RAI14: variants seen among roughly 807,000 people sequenced by gnomAD.
RAI14 encodes retinoic acid induced 14.
A neutral mutation model predicts 115.4 loss-of-function variants in RAI14; 45 were observed. The ratio of observed to expected loss-of-function variants is 0.39; its 90% CI spans 0.31 to 0.50. The LOEUF is 0.50. Ranked by LOEUF, RAI14 falls within the 20% of genes least tolerant of loss-of-function variation. The pLI is 0.85. For missense variants in RAI14, 939 were observed against 1,131.2 expected (o/e 0.83, Z 2.44); for synonymous variants, 371 against 415.4 (o/e 0.89, Z 1.30).
At chr5:34,684,041 T>G (rs1744604223) in intron 1 of RAI14, among the ~76,000 whole-genome samples, 1 of 152,220 alleles carries the variant, frequency 6.6e-6, no homozygotes, top group African/African-American at 2.4e-5. Context: ...ATTTCCACTT[T>G]CTAGCAACAG....
rs1013540198 is a variant in RAI14 at position 34,656,454 on chromosome 5, G to GCGC, written c.-59_-57dup. ...TGGAGCAGCCAGCTGGGTCCGGGGA[G>GCGC]CGCCGCCGCCGCCTCGATGGGGTGA... is the stretch of plus-strand genomic sequence containing the variant. On this transcript the variant is annotated 5_prime_UTR_variant, in exon 1 of 18. Coordinates refer to ENST00000265109, the MANE Select transcript of RAI14 (RefSeq NM_015577.3). The GCGC allele has an allele frequency of 2.6e-5, 4 of 152,232 alleles. No individual in the cohort carries two copies. Among genetic ancestry groups the GCGC allele is most frequent in the Non-Finnish European group, 4.4e-5 (3 of 68,100 alleles). 9.4% of individuals were successfully genotyped at this position (152,232 alleles called of 1,614,324 possible). A position where few individuals can be genotyped will look rare whatever the true frequency, so the allele number is the denominator to read the frequency against.
chr5:34,686,025 G>C (rs959527324), intron 1 of RAI14, among the ~76,000 whole-genome samples: 12 of 152,100 alleles, frequency 7.9e-5, no homozygotes, highest in Admixed American at 2.6e-4. Context: ...TTCACTAACT[G>C]CCCTGTGCAT....
chr5:34,829,103 G>A (rs193154204), intron 16 of RAI14, among the ~76,000 whole-genome samples: 4 of 151,632 alleles, frequency 2.6e-5, no homozygotes, highest in Admixed American at 2.6e-4. Flanking sequence ...ATTTGCATAA[G>A]TATATGTACA....
chr5:34,795,687 G>A lies in RAI14; in HGVS notation c.168-252G>A, dbSNP rs184377346. Among the ~76,000 whole-genome samples the A allele has an allele frequency of 5.9e-5, 9 of 152,228 alleles. No individual in the cohort carries two copies. In the East Asian group the frequency reaches 9.6e-4, roughly 16 times the overall value. On this transcript the variant is annotated intron_variant, in intron 3 of 17. Transcript: ENST00000265109. ...CTTACTTTTTTCAAGCCTGGTCTTT[G>A]GGGTTGGAAGATCAAACTCCTGCTC...
chr5:34,777,452 A>G (rs1203106607), intron 3 of RAI14, among the ~76,000 whole-genome samples: 2 of 152,198 alleles, frequency 1.3e-5, no homozygotes, highest in African/African-American at 2.4e-5. Flanking sequence ...TCTCACTAAC[A>G]TGTGGGAACC....
At chr5:34,769,323 G>A (rs1275281543) in intron 3 of RAI14, among the ~76,000 whole-genome samples, 1 of 152,124 alleles carries the variant, frequency 6.6e-6, no homozygotes, top group East Asian at 1.9e-4. Flanking sequence ...CTGCTGAAAA[G>A]ATTTGTCTCT....
chr5:34,711,715 T>A (rs1044312873), intron 2 of RAI14, among the ~76,000 whole-genome samples: 1 of 152,080 alleles, frequency 6.6e-6, no homozygotes, highest in Non-Finnish European at 1.5e-5. Flanking sequence ...GGAATCAGGC[T>A]TTCACCAGAC....
At chr5:34,798,346 G>GTTTT (rs57789035) in intron 4 of RAI14, among the ~76,000 whole-genome samples, 7 of 119,538 alleles carry the variant, frequency 5.9e-5, no homozygotes, top group African/African-American at 5.6e-5. Context: ...GCCAGAATAA[G>GTTTT]TTTTTTTTTT....
chr5:34,736,921 C>T (rs1328526874), intron 2 of RAI14, among the ~76,000 whole-genome samples: 1 of 152,134 alleles, frequency 6.6e-6, no homozygotes, highest in Admixed American at 6.5e-5. Context: ...CTGTTAGGAG[C>T]CAGGCTGCAC....
rs573701511 is a variant in RAI14, at chr5:34,736,578, T to G, written c.37-20890T>G. The stretch of plus-strand genomic sequence containing the variant: ...AATTGTGGGTTAGCTTTTTTGTTTG[T>G]TTTTGACAGAGATGAGGTCTCACTG... On this transcript the variant is annotated intron_variant, in intron 2 of 17. Coordinates refer to ENST00000265109, the MANE Select transcript of RAI14 (RefSeq NM_015577.3). Among the ~76,000 whole-genome samples the G allele has an allele frequency of 3.9e-5, 6 of 152,270 alleles. No homozygotes were observed. The South Asian group carries it at 1.0e-3, about 26-fold the overall frequency.
At chr5:34,687,497 C>G (rs1344193182) in intron 2 of RAI14, 12 of 1,276,960 alleles carry the variant, frequency 9.4e-6, no homozygotes, top group Non-Finnish European at 1.1e-5. Context: ...ATAAAAGACT[C>G]TGGATTGGAG....
chr5:34,686,985 G>A, intron 2 of RAI14, 30 bp downstream of exon 2: 4 of 1,612,622 alleles, frequency 2.5e-6, no homozygotes, highest in Non-Finnish European at 3.4e-6. Flanking sequence ...CAGTCTGGCT[G>A]TTCCTTCTTC....
intron 1 of RAI14, among the ~76,000 whole-genome samples, chr5:34,675,761 G>GAA (rs35198358): frequency 3.0e-4 from 44 of 145,262 alleles, no homozygotes; most frequent in Non-Finnish European, 4.8e-4. Context: ...TTAAAAAAAA[G>GAA]AAAAAAAAAA....
At chr5:34,667,691 A>G (rs1160819394) in intron 1 of RAI14, among the ~76,000 whole-genome samples, 1 of 152,220 alleles carries the variant, frequency 6.6e-6, no homozygotes, top group Non-Finnish European at 1.5e-5. Context: ...TCTTAAGTGC[A>G]GAAGACTTGT....
intron 2 of RAI14, among the ~76,000 whole-genome samples, chr5:34,724,392 G>A (rs1246508783): frequency 6.6e-6 from 1 of 152,116 alleles, no homozygotes; most frequent in Non-Finnish European, 1.5e-5. Flanking sequence ...TCCAGATAAT[G>A]AAATGTTTTG....
rs746815082 is a variant in RAI14 at position 34,822,971 on chromosome 5, G to A, written c.1129G>A (p.Glu377Lys). 13 of 1,610,976 alleles carry A rather than the reference G, an allele frequency of 8.1e-6. No individual in the cohort carries two copies. The highest frequency in any genetic ancestry group is 1.1e-5 in the Non-Finnish European group (13 of 1,178,886). The change falls in exon 15 of 18, where the codon GAG (glutamate) becomes AAG (lysine). Residue 377 changes from glutamate (E) to lysine (K), a missense_variant. Transcript: ENST00000265109. Reference sequence around the variant, plus strand: ...TTTTTCCTAGGCCAAATCACCCAAGGAGGCGGAAGCAGACCTAAGCTTTGA... The same window carrying A: ...TTTTTCCTAGGCCAAATCACCCAAGAAGGCGGAAGCAGACCTAAGCTTTGA... ...QDKLQAKSPK[E>K]AEADLSFDSY...
chr5:34,762,975 G>C (rs1748879170), intron 3 of RAI14, among the ~76,000 whole-genome samples: 1 of 115,050 alleles, frequency 8.7e-6, no homozygotes, highest in Non-Finnish European at 1.7e-5. Flanking sequence ...GTGTGTGTGT[G>C]TATGTGTCTG....
chr5:34,822,207 A>T (rs1255978217), intron 14 of RAI14, among the ~76,000 whole-genome samples: 1 of 146,426 alleles, frequency 6.8e-6, no homozygotes. Context: ...GATTTTATAT[A>T]TATTAAAATT....
chr5:34,701,349 A>G (rs1031136388), intron 2 of RAI14, among the ~76,000 whole-genome samples: 31 of 152,216 alleles, frequency 2.0e-4, no homozygotes, highest in African/African-American at 7.2e-4. Context: ...TCTGTAAAGA[A>G]TCTCTGTTAA....
Sources: gnomAD v4.1 joint callset for allele counts (sites outside exome capture counted in the v4.1 genomes callset) on GRCh38, gnomAD v4.1.1 for gene constraint, MANE v1.5 for transcripts, NCBI Gene and HGNC (gene_info 2026-07-23, HGNC 2026-07-21) for gene names.